TUBGCP5: variants seen among roughly 807,000 people sequenced by gnomAD.
TUBGCP5 encodes tubulin gamma complex component 5, also known as gamma-tubulin complex component 5.
A neutral mutation model predicts 134.7 loss-of-function variants in TUBGCP5; 98 were observed. The ratio of observed to expected loss-of-function variants is 0.73; its 90% confidence interval spans 0.62 to 0.86. The LOEUF is 0.86. Ranked by LOEUF, TUBGCP5 falls within the 40% of genes least tolerant of loss-of-function variation. The pLI, the probability that TUBGCP5 is intolerant of heterozygous loss-of-function variation, is 0.00. For missense variants in TUBGCP5, 1,150 were observed against 1,244.8 expected (o/e 0.92, Z 1.15); for synonymous variants, 456 against 431.4 (o/e 1.06, Z -0.71).
intron 13 of TUBGCP5, among the ~76,000 whole-genome samples, chr15:23,014,485 C>G (rs1271453335): frequency 2.0e-5 from 3 of 152,228 alleles, no homozygotes; most frequent in African/African-American, 7.2e-5. Context: ...ACCCATATCC[C>G]AAACCTGAGA....
intron 14 of TUBGCP5, among the ~76,000 whole-genome samples, chr15:23,010,423 T>C (rs929551113): frequency 6.6e-6 from 1 of 152,168 alleles, no homozygotes; most frequent in Non-Finnish European, 1.5e-5. Flanking sequence ...CTTACTCTAA[T>C]GGACTAAGTG....
At chr15:23,023,114 AATCCCAGCATTT>A (rs777359775) in intron 10 of TUBGCP5, 10 of 152,138 alleles carry the variant, frequency 6.6e-5, no homozygotes, top group Non-Finnish European at 1.2e-4. Flanking sequence ...TTATGCCCGT[AATCCCAGCATTT>A]TGGGAGGCCA....
At chr15:23,006,211 T>C (rs1475366138) in intron 17 of TUBGCP5, 39 bp from the exon 18 acceptor site, 1 of 1,610,516 alleles carries the variant, frequency 6.2e-7, no homozygotes, top group African/African-American at 1.3e-5. Context: ...AACCAATTAC[T>C]TGCATGTTTT....
At chr15:23,035,618 C>T (rs1219496749) in intron 3 of TUBGCP5, among the ~76,000 whole-genome samples, 1 of 152,126 alleles carries the variant, frequency 6.6e-6, no homozygotes, top group African/African-American at 2.4e-5. Context: ...GGCAGTCATC[C>T]TCACTCACCC....
chr15:22,993,525 G>GTTGTTTTT (rs1567083011), intron 23 of TUBGCP5, among the ~76,000 whole-genome samples: 1 of 69,274 alleles, frequency 1.4e-5, no homozygotes, highest in African/African-American at 6.0e-5. Flanking sequence ...AGCCCCCGAA[G>GTTGTTTTT]TTTTTTTTTT....
intron 13 of TUBGCP5, among the ~76,000 whole-genome samples, chr15:23,017,130 C>G (rs112427010): frequency 6.6e-6 from 1 of 151,400 alleles, no homozygotes; most frequent in Admixed American, 6.6e-5. Flanking sequence ...AAATGTTGAT[C>G]TCGTATTAGT....
At chr15:23,007,891 G>C (rs991059083) in intron 16 of TUBGCP5, among the ~76,000 whole-genome samples, 1 of 152,106 alleles carries the variant, frequency 6.6e-6, no homozygotes, top group Non-Finnish European at 1.5e-5. Context: ...TGGTGGAAGG[G>C]AGTGAGGCTG....
At chr15:23,021,904 CA>C in intron 11 of TUBGCP5, 54 bp downstream of exon 11, 1 of 1,532,930 alleles carries the variant, frequency 6.5e-7, no homozygotes, top group Non-Finnish European at 9.0e-7. Context: ...AGCTGTCTAT[CA>C]CTCCTCTGCT....
downstream of TUBGCP5, chr15:22,996,968 A>G (rs930285314): frequency 4.7e-5 from 7 of 150,336 alleles, no homozygotes; most frequent in South Asian, 2.1e-4. Flanking sequence ...CCTTGCATCA[A>G]TGAAAAAAAA....
At chr15:23,032,877 C>T in intron 3 of TUBGCP5, 53 bp from the exon 4 acceptor site, 1 of 1,329,922 alleles carries the variant, frequency 7.5e-7, no homozygotes. Context: ...ATGCTTTCTA[C>T]ACCAGATTGA....
At position 23,005,494 on chromosome 15, in the gene TUBGCP5, A is replaced by C; in HGVS notation, c.2650T>G (p.Phe884Val). ...EPVRQQIHRM[F>V]LLRVKLMHFV... ...TGCATGAGCTTCACTCTTAAGAGGA[A>C]CATGCGATGAATCTGCTGTCTTACT... The change falls in exon 19 of 23, where the codon TTC (phenylalanine) becomes GTC (valine). Residue 884 changes from phenylalanine to valine, a missense_variant. By Grantham distance (50) the Phe-to-Val change is conservative. Coordinates refer to ENST00000615383, the MANE Select transcript of TUBGCP5 (RefSeq NM_052903.6). 6.2e-7 allele frequency: 1 copy of C among 1,614,208 alleles called. No individual in the cohort carries two copies. Among genetic ancestry groups the C allele is most frequent in the Non-Finnish European group, 8.5e-7 (1 of 1,180,030 alleles).
chr15:22,989,820 C>G (rs1162971298), intron 23 of TUBGCP5, among the ~76,000 whole-genome samples: 1 of 152,182 alleles, frequency 6.6e-6, no homozygotes, highest in African/African-American at 2.4e-5. Flanking sequence ...CAAGTTGACT[C>G]GCTGTGGGAA....
chr15:23,005,363 T>A, intron 19 of TUBGCP5, 69 bp downstream of exon 19: 1 of 1,511,958 alleles, frequency 6.6e-7, no homozygotes, highest in Non-Finnish European at 9.0e-7. Flanking sequence ...AAACATAGTA[T>A]GAGTAATTCT....
chr15:22,983,869 T>C (rs1043544595), intron 23 of TUBGCP5, among the ~76,000 whole-genome samples: 13 of 152,288 alleles, frequency 8.5e-5, no homozygotes, highest in African/African-American at 3.1e-4. Flanking sequence ...ATGCCTGTAA[T>C]CCCAGCACTT....
chr15:22,993,507 C>T (rs927874309), intron 23 of TUBGCP5, among the ~76,000 whole-genome samples: 1 of 146,822 alleles, frequency 6.8e-6, no homozygotes, highest in South Asian at 2.1e-4. Context: ...AAATAATCCT[C>T]CCACCTCAGC....
In TUBGCP5 at chr15:23,009,906, C is replaced by A. The variant is rs981417573; in HGVS notation, c.2144+39G>T. The A allele has an allele frequency of 3.2e-6, 5 of 1,568,636 alleles. No individual in the cohort carries two copies. The African/African-American group carries it at 5.4e-5, about 17-fold the overall frequency. ...ATCTCAACTGTTCTTCAAGTACAAT[C>A]AACTATTTACTACTTCCAAAATTAA... On this transcript the variant is annotated intron_variant, in intron 15 of 22. Coordinates refer to ENST00000615383, the MANE Select transcript of TUBGCP5 (RefSeq NM_052903.6).
At position 22,989,794 on chromosome 15, in the gene TUBGCP5, G is replaced by A. The variant is rs75903420; in HGVS notation, c.*62-6183C>T. Among the ~76,000 whole-genome samples, 24 of 152,282 alleles carry A rather than the reference G, an allele frequency of 1.6e-4. No homozygotes were observed. The East Asian group carries it at 4.6e-3, about 29-fold the overall frequency. On this transcript the variant is annotated intron_variant and NMD_transcript_variant, in intron 23 of 23. Coordinates refer to the TUBGCP5 transcript ENST00000614508. ...TTCTTGCCACACCTTGTTCAAGCTG[G>A]AGTGGGCACCTGACCCAAGTTGACT... is the stretch of plus-strand genomic sequence containing the variant.
intron 18 of TUBGCP5, 108 bp downstream of exon 18, chr15:23,005,944 T>C: frequency 3.1e-6 from 2 of 642,152 alleles, no homozygotes; most frequent in Non-Finnish European, 4.4e-6. Context: ...AACCACCAAC[T>C]TTTTTTTTTT....
chr15:23,013,652 C>T lies in TUBGCP5; in HGVS notation c.1757-2321G>A, dbSNP rs1183737949. Among the ~76,000 whole-genome samples, 1 of 152,170 alleles carries T rather than the reference C, an allele frequency of 6.6e-6. No homozygotes were observed. The highest frequency in any genetic ancestry group is 1.5e-5 in the Non-Finnish European group (1 of 68,030). ...GAAGAAACCCACCAGCCCCCACAAA[C>T]ACCTACAGTCATTACTACAGGAGGA... is the stretch of plus-strand genomic sequence containing the variant. On this transcript the variant is annotated intron_variant, in intron 13 of 22. Coordinates refer to ENST00000615383, the MANE Select transcript of TUBGCP5 (RefSeq NM_052903.6). The surrounding 1 kb of genome is among the most constrained non-coding windows in gnomAD (Gnocchi z 4.5).
Sources: allele counts gnomAD v4.1 joint callset (sites outside exome capture counted in the v4.1 genomes callset), GRCh38; gene constraint gnomAD v4.1.1; non-coding constraint Gnocchi (gnomAD v3.1); transcripts MANE v1.5; gene names NCBI Gene and HGNC (gene_info 2026-07-23, HGNC 2026-07-21).